TMED8: variants seen among roughly 807,000 people sequenced by gnomAD.
The protein encoded by TMED8 is transmembrane p24 trafficking protein family member 8, also known as protein TMED8.
Under a neutral mutation model 32.7 loss-of-function variants are expected in TMED8, and 15 were observed. The ratio of observed to expected loss-of-function variants is 0.46; its 90% CI spans 0.31 to 0.71. TMED8 has a LOEUF of 0.71. TMED8 is among the 30% of genes least tolerant of loss of function. The pLI, the probability that TMED8 is intolerant of heterozygous loss-of-function variation, is 0.06. For missense variants in TMED8, 390 were observed against 423.9 expected (o/e 0.92, Z 0.70); for synonymous variants, 147 against 161.4 (o/e 0.91, Z 0.68).
rs1028845986 is a variant in TMED8, at chr14:77,346,375, C to T, written c.301G>A (p.Ala101Thr). The T allele has an allele frequency of 8.7e-6, 14 of 1,614,046 alleles. No homozygotes were observed. The highest frequency in any genetic ancestry group is 1.0e-5 in the Non-Finnish European group (12 of 1,180,042). ...QALVKQDLLPADQAQVLNEMA... is the reference protein window; with the variant it reads ...QALVKQDLLPTDQAQVLNEMA... ...TCATTGAGGACCTGGGCCTGGTCTG[C>T]AGGCAGCAAATCCTGTTTCACCAAG... Residue 101 changes from alanine to threonine, a missense_variant, in exon 3 of 6, where the codon GCA (alanine) becomes ACA (threonine). Ala to Thr is a moderately conservative substitution (Grantham distance 58). Coordinates refer to ENST00000216468, the MANE Select transcript of TMED8 (RefSeq NM_213601.3).
chr14:77,352,884 G>A (rs1012816793), intron 1 of TMED8, among the ~76,000 whole-genome samples: 13 of 152,146 alleles, frequency 8.5e-5, no homozygotes, highest in African/African-American at 2.9e-4. Context: ...CATTCAATAA[G>A]CTCAGATCAA....
intron 2 of TMED8, among the ~76,000 whole-genome samples, chr14:77,347,686 T>C (rs1243337564): frequency 3.3e-5 from 5 of 152,250 alleles, no homozygotes; most frequent in Non-Finnish European, 7.3e-5. Context: ...ATTACAGGCG[T>C]GAGCCACCGT....
intron 1 of TMED8, among the ~76,000 whole-genome samples, chr14:77,353,405 T>C (rs946254409): frequency 2.0e-5 from 3 of 151,966 alleles, no homozygotes; most frequent in South Asian, 4.2e-4. Flanking sequence ...ATGTTTTATA[T>C]GTGAACAAGA....
chr14:77,372,054 G>A (rs1045616525), intron 1 of TMED8, among the ~76,000 whole-genome samples: 4 of 152,040 alleles, frequency 2.6e-5, no homozygotes, highest in African/African-American at 4.8e-5. Flanking sequence ...ATACTGTAAC[G>A]GTATTCTCCA....
chr14:77,372,926 ATATATATATATATATATATATATATATTT>A (rs1893711009), intron 1 of TMED8, among the ~76,000 whole-genome samples: 10 of 25,478 alleles, frequency 3.9e-4, no homozygotes, highest in African/African-American at 2.1e-3. Flanking sequence ...ATATATATAT[ATATATATATATATATATATATATATATTT>A]TTTTTTTTTT....
intron 5 of TMED8, among the ~76,000 whole-genome samples, chr14:77,342,948 T>C (rs144590487): frequency 1.4e-3 from 207 of 152,186 alleles, no homozygotes; most frequent in African/African-American, 4.6e-3. Flanking sequence ...CAGGAAGGTG[T>C]TGGGAAAACA....
chr14:77,343,101 C>T (rs1566683674), intron 5 of TMED8, 77 bp downstream of exon 5: 21 of 1,431,460 alleles, frequency 1.5e-5, no homozygotes. Context: ...AAGAGGAGGA[C>T]TGGTACAACC....
rs1280363996 is a variant in TMED8 at position 77,343,300 on chromosome 14, T to C, written c.638A>G (p.Tyr213Cys). 3 of 1,614,220 alleles carry C rather than the reference T, an allele frequency of 1.9e-6. No homozygotes were observed. The highest frequency in any genetic ancestry group is 1.1e-5 in the South Asian group (1 of 91,078). The change falls in exon 5 of 6, where the codon TAT (tyrosine) becomes TGT (cysteine). Residue 213 changes from tyrosine to cysteine, a missense_variant. Transcript: ENST00000216468. ...AAAATAAACTCCAAAGCCAATGTCA[T>C]AGTCATCGGTCGCAAACTCCCAGCA... Reference protein sequence around the residue: ...RVCWEFATDDYDIGFGVYFDW... With the variant: ...RVCWEFATDDCDIGFGVYFDW...
intron 1 of TMED8, among the ~76,000 whole-genome samples, chr14:77,367,664 G>C (rs1480580293): frequency 6.6e-6 from 1 of 151,436 alleles, no homozygotes; most frequent in Non-Finnish European, 1.5e-5. Flanking sequence ...ATGCACCCAT[G>C]TAATTGTAGG....
intron 1 of TMED8, among the ~76,000 whole-genome samples, chr14:77,374,235 A>T (rs1343199715): frequency 6.6e-6 from 1 of 152,210 alleles, no homozygotes; most frequent in Non-Finnish European, 1.5e-5. Flanking sequence ...TGGCAGAAGG[A>T]TCCAATCAAA....
intron 1 of TMED8, chr14:77,359,360 T>G (rs1313983603): frequency 1.0e-5 from 2 of 200,444 alleles, no homozygotes; most frequent in Non-Finnish European, 1.0e-5. Flanking sequence ...CCTCTTCATC[T>G]GGCTGTTTAT....
At chr14:77,359,451 T>C (rs750111088) in intron 1 of TMED8, 14 of 240,784 alleles carry the variant, frequency 5.8e-5, no homozygotes, top group Non-Finnish European at 1.1e-4. Context: ...CAAGTTTTTA[T>C]CCCAGTGTCA....
At chr14:77,361,275 C>A (rs1484782345) in intron 1 of TMED8, among the ~76,000 whole-genome samples, 10 of 152,202 alleles carry the variant, frequency 6.6e-5, no homozygotes, top group African/African-American at 2.2e-4. Context: ...AGCCACCACG[C>A]CCGGCCCATT....
chr14:77,360,477 A>T (rs1337848101), intron 1 of TMED8, among the ~76,000 whole-genome samples: 1 of 151,694 alleles, frequency 6.6e-6, no homozygotes, highest in African/African-American at 2.4e-5. Context: ...GGCTTATTTT[A>T]CTTAATATAA....
At position 77,341,942 on chromosome 14, in the gene TMED8, C is replaced by T; in HGVS notation, c.807G>A (p.Leu269=). ...GCATGACCTCCCCATAGCGACCCCG[C>T]AAGGAGCTCCTGGAGCCTCTCTCCA... is the stretch of plus-strand genomic sequence containing the variant. The part of the protein sequence containing the change: ...GDVERGSRSS[L]RGRYGEVMPV... Residue 269 remains leucine (L), a synonymous_variant, in exon 6 of 6, where the codon TTG becomes TTA. Coordinates refer to ENST00000216468, the MANE Select transcript of TMED8 (RefSeq NM_213601.3). 2 of 1,614,050 alleles carry T rather than the reference C, an allele frequency of 1.2e-6. No homozygotes were observed. The highest frequency in any genetic ancestry group is 1.7e-6 in the Non-Finnish European group (2 of 1,180,018).
chr14:77,343,697 C>A lies in TMED8; in HGVS notation c.454G>T (p.Val152Phe). The A allele has an allele frequency of 6.2e-7, 1 of 1,614,162 alleles. No homozygotes were observed. ...CCTCCTTTACTCCCAAAGGTCTCAC[C>A]TTTCCTGTGGTCCCCCAGAAGATCT... The part of the protein sequence containing the change: ...SADLLGDHRK[V>F]SPPLMAPPCI... Residue 152 changes from valine (V) to phenylalanine (F), a missense_variant and splice_region_variant, in exon 4 of 6, where the codon GTC becomes TTC. By Grantham distance (50) the Val-to-Phe change is conservative. Coordinates refer to ENST00000216468, the MANE Select transcript of TMED8 (RefSeq NM_213601.3).
chr14:77,350,190 A>G (rs889228048), intron 2 of TMED8, among the ~76,000 whole-genome samples: 1 of 152,100 alleles, frequency 6.6e-6, no homozygotes, highest in Non-Finnish European at 1.5e-5. Flanking sequence ...TGGGGGGTCT[A>G]TTAGATGATC....
intron 1 of TMED8, among the ~76,000 whole-genome samples, chr14:77,367,797 G>A (rs917894587): frequency 2.6e-5 from 4 of 151,788 alleles, no homozygotes; most frequent in Admixed American, 6.6e-5. Flanking sequence ...CGCTTCAAGC[G>A]ATTCTCCTGC....
intron 1 of TMED8, among the ~76,000 whole-genome samples, chr14:77,356,458 T>C (rs1893294012): frequency 6.6e-6 from 1 of 152,236 alleles, no homozygotes; most frequent in Admixed American, 6.5e-5. Context: ...TGAAGACTCA[T>C]GCACCCTACC....
Sources: gnomAD v4.1 joint callset for allele counts (sites outside exome capture counted in the v4.1 genomes callset) on GRCh38, gnomAD v4.1.1 for gene constraint, MANE v1.5 for transcripts, NCBI Gene and HGNC (gene_info 2026-07-23, HGNC 2026-07-21) for gene names.